CDH4: variants seen among roughly 807,000 people sequenced by gnomAD.
The protein encoded by CDH4 is cadherin-4.
Under a neutral mutation model 86.0 loss-of-function variants are expected in CDH4, and 33 were observed. The observed-to-expected ratio is 0.38, with a 90% confidence interval of 0.29 to 0.51. The LOEUF is 0.51. Ranked by LOEUF, CDH4 falls within the 20% of genes least tolerant of loss-of-function variation. The pLI, the probability that CDH4 is intolerant of heterozygous loss-of-function variation, is 0.86. For synonymous variants in CDH4, 555 were observed against 549.4 expected (o/e 1.01, Z -0.14); for missense variants, 1,114 against 1,307.4 (o/e 0.85, Z 2.28).
chr20:61,658,213 C>T (rs2087212961), intron 2 of CDH4, among the ~76,000 whole-genome samples: 1 of 152,116 alleles, frequency 6.6e-6, no homozygotes, highest in Admixed American at 6.5e-5. Flanking sequence ...AGCCATCCTC[C>T]CTTCCAAGTT....
chr20:61,792,007 C>T (rs540259237), intron 4 of CDH4, among the ~76,000 whole-genome samples: 5 of 152,220 alleles, frequency 3.3e-5, no homozygotes, highest in Admixed American at 2.0e-4. Context: ...TCTGATTGTC[C>T]GTCTATCATC....
At chr20:61,344,206 G>T (rs1205497135) in intron 2 of CDH4, among the ~76,000 whole-genome samples, 1 of 152,116 alleles carries the variant, frequency 6.6e-6, no homozygotes, top group African/African-American at 2.4e-5. Flanking sequence ...GCCTGCGGGG[G>T]TTGATACTGA....
chr20:61,716,606 C>G (rs1291302580), intron 2 of CDH4, among the ~76,000 whole-genome samples: 2 of 152,200 alleles, frequency 1.3e-5, no homozygotes, highest in African/African-American at 2.4e-5. Context: ...AAGCCCTTCG[C>G]TTCATCTAAT....
intron 4 of CDH4, among the ~76,000 whole-genome samples, chr20:61,825,829 G>T (rs1348667875): frequency 6.6e-6 from 1 of 152,202 alleles, no homozygotes; most frequent in Non-Finnish European, 1.5e-5. Context: ...CACTCCCCAT[G>T]GGCTTCCCCA....
At chr20:61,459,447 T>C (rs2186111) in intron 2 of CDH4, among the ~76,000 whole-genome samples, 59,920 of 150,176 alleles carry the variant, frequency 0.4, 12,612 homozygotes, top group Admixed American at 0.51. Context: ...GTATTGGTAT[T>C]GTGTAGGGAG....
intron 2 of CDH4, among the ~76,000 whole-genome samples, chr20:61,528,566 C>T (rs67313334): frequency 0.26 from 39,558 of 151,322 alleles, 6,645 homozygotes; most frequent in African/African-American, 0.48. Context: ...GCCCAGGTAT[C>T]TGAGACCAGC....
At chr20:61,278,720 C>G (rs1288827149) in intron 2 of CDH4, among the ~76,000 whole-genome samples, 1 of 152,250 alleles carries the variant, frequency 6.6e-6, no homozygotes, top group East Asian at 1.9e-4. Flanking sequence ...CATGCAGGAT[C>G]TTTTCTCCCC....
At chr20:61,662,372 G>T (rs1246792269) in intron 2 of CDH4, among the ~76,000 whole-genome samples, 1 of 152,218 alleles carries the variant, frequency 6.6e-6, no homozygotes, top group Non-Finnish European at 1.5e-5. Context: ...GTAGCACCAG[G>T]TTGTGCTGTC....
intron 2 of CDH4, among the ~76,000 whole-genome samples, chr20:61,614,148 G>A (rs1477691759): frequency 6.6e-6 from 1 of 152,046 alleles, no homozygotes; most frequent in Non-Finnish European, 1.5e-5. Context: ...ATGCTTATGA[G>A]TTTATGCTAA....
intron 4 of CDH4, among the ~76,000 whole-genome samples, chr20:61,836,635 C>G (rs1015052826): frequency 6.6e-6 from 1 of 152,234 alleles, no homozygotes; most frequent in African/African-American, 2.4e-5. Context: ...CTTCAAACCT[C>G]TTAAGTAATG....
chr20:61,428,522 A>G (rs2085226921), intron 2 of CDH4, among the ~76,000 whole-genome samples: 1 of 152,222 alleles, frequency 6.6e-6, no homozygotes, highest in Non-Finnish European at 1.5e-5. Context: ...AAGGAGTAGA[A>G]TAGGAGAAAG....
intron 3 of CDH4, among the ~76,000 whole-genome samples, chr20:61,760,481 C>T (rs1317538472): frequency 6.6e-6 from 1 of 152,248 alleles, no homozygotes; most frequent in Non-Finnish European, 1.5e-5. Flanking sequence ...GCTCCAGGGG[C>T]CATGGCCTGA....
chr20:61,345,344 A>T (rs1437848483), intron 2 of CDH4, among the ~76,000 whole-genome samples: 1 of 152,250 alleles, frequency 6.6e-6, no homozygotes, highest in African/African-American at 2.4e-5. Context: ...CCCCGCGATG[A>T]TGAGCATAGT....
In CDH4 at chr20:61,923,648, C is replaced by T. The variant is rs778941641; in HGVS notation, c.1572C>T (p.Thr524=). ...IRLEEGVPPG[T]VLTTFSAVDP... ...TGGAGGAGGGCGTGCCCCCCGGCACCGTGCTGACCACGTTTTCAGCTGTGG... is the reference window on the plus strand; with the variant it reads ...TGGAGGAGGGCGTGCCCCCCGGCACTGTGCTGACCACGTTTTCAGCTGTGG... The change falls in exon 10 of 16, where the codon ACC becomes ACT. Residue 524 remains threonine, a synonymous_variant. Transcript: ENST00000614565. 82 of 1,613,952 alleles carry T rather than the reference C, an allele frequency of 5.1e-5. No homozygotes were observed. The highest frequency in any genetic ancestry group is 6.7e-5 in the East Asian group (3 of 44,888).
chr20:61,573,041 G>GATGGATGA (rs1467307106), intron 2 of CDH4, among the ~76,000 whole-genome samples: 1 of 151,516 alleles, frequency 6.6e-6, no homozygotes, highest in Non-Finnish European at 1.5e-5. Context: ...TGGATGGATG[G>GATGGATGA]ATGGATGGAT....
Position 61,431,508 on chromosome 20 carries a change from T to C in CDH4, c.169+176571T>C, listed in dbSNP as rs1451112323. Among the ~76,000 whole-genome samples the C allele has an allele frequency of 5.3e-5, 8 of 152,050 alleles. No individual in the cohort carries two copies. The East Asian group carries it at 9.7e-4, about 18-fold the overall frequency. On this transcript the variant is annotated intron_variant, in intron 2 of 15. Transcript: ENST00000614565. The stretch of plus-strand genomic sequence containing the variant: ...CTGAGTAGCTGGTACTACGAGTGCA[T>C]GCCACCACGCCTGGGTAATTTTTGT...
intron 2 of CDH4, among the ~76,000 whole-genome samples, chr20:61,654,400 CAGAGGGAGACCGTGGAAAGAGGG>C (rs751075942): frequency 4.1e-4 from 63 of 152,262 alleles, no homozygotes; most frequent in East Asian, 2.5e-3. Context: ...GGCTCGGCAT[CAGAGGGAGACCGTGGAAAGAGGG>C]AGAGGGAGAC....
intron 9 of CDH4, among the ~76,000 whole-genome samples, chr20:61,919,534 G>A (rs755249249): frequency 2.6e-5 from 4 of 152,250 alleles, no homozygotes; most frequent in Admixed American, 1.3e-4. Flanking sequence ...GGTGGTTCAC[G>A]AGGGGTGGGA....
At chr20:61,645,468 A>T (rs1431851264) in intron 2 of CDH4, among the ~76,000 whole-genome samples, 2 of 151,400 alleles carry the variant, frequency 1.3e-5, no homozygotes, top group African/African-American at 2.4e-5. Flanking sequence ...CTCTACAAAA[A>T]TTTTTTTTAA....
Sources: allele counts gnomAD v4.1 joint callset (sites outside exome capture counted in the v4.1 genomes callset), GRCh38; gene constraint gnomAD v4.1.1; transcripts MANE v1.5; gene names NCBI Gene and HGNC (gene_info 2026-07-23, HGNC 2026-07-21).